ADAMTS3: variants seen among roughly 807,000 people sequenced by gnomAD.
ADAMTS3 encodes the protein ADAM metallopeptidase with thrombospondin type 1 motif 3.
A neutral mutation model predicts 129.0 loss-of-function variants in ADAMTS3; 73 were observed. The ratio of observed to expected loss-of-function variants is 0.57; its 90% confidence interval spans 0.47 to 0.69. The LOEUF is 0.69. Ranked by LOEUF, ADAMTS3 falls within the 30% of genes least tolerant of loss-of-function variation. The probability of loss-of-function intolerance (pLI) is 0.00; values close to 1 mark genes in which losing one functional copy is unlikely to be tolerated. For missense variants in ADAMTS3, 1,457 were observed against 1,514.5 expected, an observed-to-expected ratio of 0.96 and a Z score of 0.63; for synonymous variants, 477 against 510.8, an observed-to-expected ratio of 0.93 and a Z score of 0.89.
At chr4:72,293,409 T>C (rs918385374) in intron 19 of ADAMTS3, among the ~76,000 whole-genome samples, 11 of 152,032 alleles carry the variant, frequency 7.2e-5, no homozygotes, top group African/African-American at 2.7e-4. Flanking sequence ...ACAATAGACA[T>C]GATCAAGAGA....
rs766715810 is a variant in ADAMTS3 at position 72,315,947 on chromosome 4, G to C, written c.1510C>G (p.Gln504Glu). 21 of 1,612,308 alleles carry C rather than the reference G, an allele frequency of 1.3e-5. No individual in the cohort carries two copies. The highest frequency in any genetic ancestry group is 1.8e-5 in the Non-Finnish European group (21 of 1,179,116). ...TAFRTFDPCK[Q>E]LWCSHPDNPY... is the part of the protein sequence containing the mutation. ...TTATCAGGATGGCTACACCACAGCT[G>C]TTTACATGGGTCAAAGGTTCGGAAC... The change falls in exon 11 of 22, where the codon CAG becomes GAG. Residue 504 changes from glutamine (Q) to glutamate (E), a missense_variant. Transcript: ENST00000286657.
chr4:72,544,786 C>T (rs1048563662), intron 3 of ADAMTS3, among the ~76,000 whole-genome samples: 1 of 152,140 alleles, frequency 6.6e-6, no homozygotes. Context: ...GAAAGCATTA[C>T]TTTTCAGGCC....
At chr4:72,316,109 G>GA (rs201741355) in intron 10 of ADAMTS3, 138 bp from the exon 11 acceptor site, 10 of 432,270 alleles carry the variant, frequency 2.3e-5, no homozygotes, top group Admixed American at 8.7e-5. Context: ...TTGACATGTT[G>GA]AAAAAAAACT....
chr4:72,292,750 T>G (rs1382519190), intron 19 of ADAMTS3, among the ~76,000 whole-genome samples: 2 of 152,092 alleles, frequency 1.3e-5, no homozygotes, highest in African/African-American at 4.8e-5. Flanking sequence ...CTCTGCAATT[T>G]ATTTTTCTTT....
intron 2 of ADAMTS3, among the ~76,000 whole-genome samples, chr4:72,562,035 A>G (rs1721916054): frequency 6.6e-6 from 1 of 152,120 alleles, no homozygotes; most frequent in South Asian, 2.1e-4. Context: ...GGAATATACA[A>G]CTCTCAGATT....
At chr4:72,362,152 C>T (rs1578614973) in intron 4 of ADAMTS3, among the ~76,000 whole-genome samples, 4 of 20,708 alleles carry the variant, frequency 1.9e-4, no homozygotes, top group East Asian at 1.3e-3. Flanking sequence ...GGACAGACTT[C>T]GTCTTTCTAC....
At chr4:72,491,571 C>T (rs1261116020) in intron 3 of ADAMTS3, among the ~76,000 whole-genome samples, 2 of 151,598 alleles carry the variant, frequency 1.3e-5, no homozygotes, top group African/African-American at 4.8e-5. Context: ...TTTTGTCTTT[C>T]ACTCTGTTAA....
chr4:72,359,681 A>AC (rs1443821230), intron 4 of ADAMTS3, among the ~76,000 whole-genome samples: 2 of 152,008 alleles, frequency 1.3e-5, no homozygotes, highest in Admixed American at 1.3e-4. Flanking sequence ...TGAGGATATT[A>AC]CAGTAATGCT....
At chr4:72,386,402 A>G (rs1721449288) in intron 4 of ADAMTS3, among the ~76,000 whole-genome samples, 1 of 151,742 alleles carries the variant, frequency 6.6e-6, no homozygotes, top group Non-Finnish European at 1.5e-5. Context: ...CCTAGCCAAA[A>G]ATATTGGCAA....
chr4:72,468,827 A>G (rs932350923), intron 3 of ADAMTS3, among the ~76,000 whole-genome samples: 5 of 152,002 alleles, frequency 3.3e-5, no homozygotes, highest in Admixed American at 3.3e-4. Flanking sequence ...GCCAGTGCAT[A>G]TCACATGGTC....
chr4:72,363,670 G>A (rs923224052), intron 4 of ADAMTS3, among the ~76,000 whole-genome samples: 6 of 151,910 alleles, frequency 3.9e-5, no homozygotes, highest in African/African-American at 7.3e-5. Context: ...TGTAATAAAC[G>A]GATACCTGTA....
intron 3 of ADAMTS3, among the ~76,000 whole-genome samples, chr4:72,472,164 C>T (rs746542038): frequency 2.6e-4 from 40 of 152,076 alleles, no homozygotes; most frequent in Non-Finnish European, 4.9e-4. Flanking sequence ...GGAGAAATAA[C>T]GTTTTTATAA....
chr4:72,562,695 A>C (rs1008011938), intron 2 of ADAMTS3, among the ~76,000 whole-genome samples: 7 of 152,354 alleles, frequency 4.6e-5, no homozygotes, highest in Middle Eastern at 6.8e-3. Flanking sequence ...ATCCAGAAAA[A>C]TTAAAGAATA....
chr4:72,289,012 C>T, intron 20 of ADAMTS3, 144 bp from the exon 21 acceptor site: 1 of 577,064 alleles, frequency 1.7e-6, no homozygotes, highest in Non-Finnish European at 3.1e-6. Context: ...AGTAATGCTG[C>T]ACAGTGGTTT....
intron 3 of ADAMTS3, among the ~76,000 whole-genome samples, chr4:72,480,137 C>T (rs578147164): frequency 7.1e-4 from 108 of 151,352 alleles, no homozygotes; most frequent in African/African-American, 2.4e-3. Flanking sequence ...GTCAGTGTGG[C>T]GATTCCTCAG....
At chr4:72,404,989 C>T (rs1346566219) in intron 4 of ADAMTS3, among the ~76,000 whole-genome samples, 2 of 151,940 alleles carry the variant, frequency 1.3e-5, no homozygotes, top group African/African-American at 2.4e-5. Flanking sequence ...ACAATCAAAA[C>T]AGAAGTGAGA....
At chr4:72,476,452 A>AT (rs1358394613) in intron 3 of ADAMTS3, among the ~76,000 whole-genome samples, 2 of 152,118 alleles carry the variant, frequency 1.3e-5, no homozygotes, top group Non-Finnish European at 2.9e-5. Context: ...CTTGTAACCA[A>AT]TAAGGTAATT....
intron 3 of ADAMTS3, among the ~76,000 whole-genome samples, chr4:72,522,715 G>A (rs1226053740): frequency 6.6e-6 from 1 of 152,020 alleles, no homozygotes; most frequent in African/African-American, 2.4e-5. Context: ...TTGTATAACA[G>A]CTTTATACAG....
chr4:72,290,544 C>G (rs1422735711), intron 20 of ADAMTS3, among the ~76,000 whole-genome samples: 2 of 152,188 alleles, frequency 1.3e-5, no homozygotes, highest in African/African-American at 2.4e-5. Flanking sequence ...CCAAATGGTG[C>G]TGGGCCCTGC....
Sources: allele counts gnomAD v4.1 joint callset (sites outside exome capture counted in the v4.1 genomes callset), GRCh38; gene constraint gnomAD v4.1.1; transcripts MANE v1.5; gene names NCBI Gene and HGNC (gene_info 2026-07-23, HGNC 2026-07-21).